NOL4: variants seen among roughly 807,000 people sequenced by gnomAD.
NOL4 encodes nucleolar protein 4.
NOL4 carries 17 observed loss-of-function variants against 75.9 expected under a neutral mutation model. The ratio of observed to expected loss-of-function variants is 0.22; its 90% CI spans 0.15 to 0.34. NOL4 has a LOEUF of 0.34. NOL4 is among the 10% of genes least tolerant of loss of function. The pLI, the probability that NOL4 is intolerant of heterozygous loss-of-function variation, is 1.00. For missense variants in NOL4, 614 were observed against 793.5 expected (o/e 0.77, Z 2.72); for synonymous variants, 292 against 289.9 (o/e 1.01, Z -0.07).
At chr18:33,914,268 T>G (rs756473281) in intron 9 of NOL4, among the ~76,000 whole-genome samples, 12 of 151,982 alleles carry the variant, frequency 7.9e-5, no homozygotes, top group Non-Finnish European at 1.8e-4. Context: ...GATAGCATTC[T>G]AAGTAGAAGG....
intron 9 of NOL4, among the ~76,000 whole-genome samples, chr18:33,910,367 A>G (rs2066324918): frequency 1.3e-5 from 2 of 152,138 alleles, no homozygotes; most frequent in South Asian, 4.1e-4. Flanking sequence ...TTTGAAAGAT[A>G]ACAGTGCGTG....
chr18:34,181,757 C>T (rs2034057304), intron 1 of NOL4, among the ~76,000 whole-genome samples: 1 of 151,410 alleles, frequency 6.6e-6, no homozygotes, highest in Non-Finnish European at 1.5e-5. Flanking sequence ...TTTGAATAAA[C>T]ATTTCTCCAA....
chr18:33,916,053 T>C (rs188499977), intron 9 of NOL4, among the ~76,000 whole-genome samples: 3 of 152,172 alleles, frequency 2.0e-5, no homozygotes, highest in African/African-American at 7.2e-5. Flanking sequence ...AAAGCTATGG[T>C]CTAACAACAC....
chr18:33,862,334 C>T (rs1480794263), intron 10 of NOL4, among the ~76,000 whole-genome samples: 1 of 152,146 alleles, frequency 6.6e-6, no homozygotes, highest in African/African-American at 2.4e-5. Context: ...AAAACACAGG[C>T]ATTACCATTC....
At chr18:34,202,818 G>C (rs1333869809) in intron 1 of NOL4, among the ~76,000 whole-genome samples, 1 of 151,990 alleles carries the variant, frequency 6.6e-6, no homozygotes, top group Non-Finnish European at 1.5e-5. Flanking sequence ...CTAGGATAGG[G>C]AAACTGTACC....
At chr18:33,887,846 T>A (rs2064853508) in intron 9 of NOL4, among the ~76,000 whole-genome samples, 1 of 152,184 alleles carries the variant, frequency 6.6e-6, no homozygotes, top group African/African-American at 2.4e-5. Context: ...TGGTTCCAAT[T>A]CTTTGCTATT....
chr18:34,093,983 A>G (rs1185842363), intron 4 of NOL4, among the ~76,000 whole-genome samples: 2 of 152,164 alleles, frequency 1.3e-5, no homozygotes, highest in African/African-American at 4.8e-5. Context: ...CAGAGCTTGC[A>G]GTGAGCTGAG....
intron 4 of NOL4, among the ~76,000 whole-genome samples, chr18:34,099,362 C>CAAAAAAAAACAAAAAAAAAAA (rs2078936206): frequency 1.2e-5 from 1 of 80,092 alleles, no homozygotes; most frequent in African/African-American, 5.1e-5. Context: ...GACTTTGTCT[C>CAAAAAAAAACAAAAAAAAAAA]AAAAAAAAAA....
At chr18:34,021,494 T>G (rs2144488233) in intron 5 of NOL4, among the ~76,000 whole-genome samples, 1 of 152,268 alleles carries the variant, frequency 6.6e-6, no homozygotes, top group South Asian at 2.1e-4. Flanking sequence ...AGAAAAGCAT[T>G]TTGTTTATCA....
At chr18:34,042,851 T>A (rs2076199656) in intron 5 of NOL4, among the ~76,000 whole-genome samples, 1 of 152,082 alleles carries the variant, frequency 6.6e-6, no homozygotes, top group African/African-American at 2.4e-5. Flanking sequence ...TCATGACATT[T>A]TTCACACTTG....
At chr18:33,938,266 C>T (rs1025293984) in intron 9 of NOL4, among the ~76,000 whole-genome samples, 4 of 151,976 alleles carry the variant, frequency 2.6e-5, no homozygotes, top group Admixed American at 2.6e-4. Context: ...GAAACTGTAT[C>T]TAGAAATTGC....
chr18:34,058,328 G>A (rs1215045429), intron 5 of NOL4, among the ~76,000 whole-genome samples: 2 of 152,122 alleles, frequency 1.3e-5, no homozygotes, highest in East Asian at 3.9e-4. Flanking sequence ...TAGAGACGGG[G>A]TTTCACCATG....
At chr18:33,900,780 A>G (rs2065701637) in intron 9 of NOL4, among the ~76,000 whole-genome samples, 1 of 152,178 alleles carries the variant, frequency 6.6e-6, no homozygotes, top group Non-Finnish European at 1.5e-5. Flanking sequence ...GAGGCCAGCG[A>G]AAGTACCAAA....
At chr18:33,862,777 A>G (rs1005775149) in intron 10 of NOL4, among the ~76,000 whole-genome samples, 15 of 152,250 alleles carry the variant, frequency 9.9e-5, no homozygotes, top group South Asian at 6.2e-4. Flanking sequence ...AACAACAGCT[A>G]CTGGAGAGGA....
intron 2 of NOL4, among the ~76,000 whole-genome samples, chr18:34,123,741 T>C (rs2080262887): frequency 6.7e-6 from 1 of 149,964 alleles, no homozygotes; most frequent in African/African-American, 2.4e-5. Flanking sequence ...TCTATATAGA[T>C]ATAGAAAGAC....
intron 5 of NOL4, among the ~76,000 whole-genome samples, chr18:34,047,043 A>C (rs966519893): frequency 6.6e-6 from 1 of 152,112 alleles, no homozygotes; most frequent in African/African-American, 2.4e-5. Flanking sequence ...CCCAAATGCT[A>C]TTAAGCAAAG....
At chr18:34,111,852 T>A (rs1399225931) in intron 2 of NOL4, among the ~76,000 whole-genome samples, 1 of 152,122 alleles carries the variant, frequency 6.6e-6, no homozygotes, top group East Asian at 1.9e-4. Context: ...TTGGCAATGA[T>A]GTGAAGAAAA....
At chr18:34,043,161 G>A (rs1046469693) in intron 5 of NOL4, among the ~76,000 whole-genome samples, 5 of 152,094 alleles carry the variant, frequency 3.3e-5, no homozygotes, top group Non-Finnish European at 7.4e-5. Flanking sequence ...CAGTGTGCAT[G>A]ATTTTCTTCA....
intron 2 of NOL4, among the ~76,000 whole-genome samples, chr18:34,114,114 A>G (rs1262089610): frequency 6.6e-6 from 1 of 152,238 alleles, no homozygotes; most frequent in Non-Finnish European, 1.5e-5. Flanking sequence ...TATGTAAAAT[A>G]CTATAATCAT....
Sources: gnomAD v4.1 joint callset for allele counts (sites outside exome capture counted in the v4.1 genomes callset) on GRCh38, gnomAD v4.1.1 for gene constraint, MANE v1.5 for transcripts, NCBI Gene and HGNC (gene_info 2026-07-23, HGNC 2026-07-21) for gene names.